The following AUTS2 variants were observed in gnomAD, a reference collection of about 807,000 sequenced individuals.
The protein encoded by AUTS2 is activator of transcription and developmental regulator AUTS2.
Under a neutral mutation model 112.4 loss-of-function variants are expected in AUTS2, and 17 were observed. That is an observed-to-expected ratio of 0.15 (90% CI 0.10 to 0.23). The LOEUF (loss-of-function observed/expected upper bound fraction) is 0.23. AUTS2 is among the 10% of genes least tolerant of loss of function. The pLI is 1.00. For missense variants in AUTS2, 1,510 were observed against 1,701.6 expected, an observed-to-expected ratio of 0.89 and a Z score of 1.98; for synonymous variants, 751 against 702.7, an observed-to-expected ratio of 1.07 and a Z score of -1.09.
chr7:69,640,967 AG>A (rs1367557918), intron 1 of AUTS2, among the ~76,000 whole-genome samples: 5 of 152,304 alleles, frequency 3.3e-5, no homozygotes, highest in Non-Finnish European at 4.4e-5. Flanking sequence ...TACAGATACA[AG>A]GTTGGGTGGT....
At chr7:70,251,549 G>C (rs1416862989) in intron 4 of AUTS2, among the ~76,000 whole-genome samples, 6 of 152,024 alleles carry the variant, frequency 3.9e-5, no homozygotes, top group Non-Finnish European at 8.8e-5. Context: ...TTCTTTTCAA[G>C]TATTGCCAAC....
chr7:70,191,361 C>T (rs947816368), intron 4 of AUTS2, among the ~76,000 whole-genome samples: 7 of 151,652 alleles, frequency 4.6e-5, no homozygotes, highest in Admixed American at 2.0e-4. Context: ...TTAGTAGAGA[C>T]GGGGTTTAAC....
intron 2 of AUTS2, among the ~76,000 whole-genome samples, chr7:69,956,022 AG>A (rs1237461301): frequency 6.6e-6 from 1 of 152,096 alleles, no homozygotes; most frequent in Admixed American, 6.5e-5. Flanking sequence ...AAGAAAGCAG[AG>A]GTTTGGGGAT....
chr7:69,684,459 A>G (rs1170857807), intron 1 of AUTS2, among the ~76,000 whole-genome samples: 2 of 152,052 alleles, frequency 1.3e-5, no homozygotes. Context: ...ATGTTTTTTG[A>G]TGAATGATTA....
intron 2 of AUTS2, among the ~76,000 whole-genome samples, chr7:70,071,815 T>C (rs1475105073): frequency 6.6e-6 from 1 of 152,228 alleles, no homozygotes; most frequent in Non-Finnish European, 1.5e-5. Context: ...AAAAGAAATA[T>C]TGTGGCTGGG....
intron 5 of AUTS2, among the ~76,000 whole-genome samples, chr7:70,505,461 G>A (rs1366913242): frequency 1.3e-5 from 2 of 152,210 alleles, no homozygotes; most frequent in Non-Finnish European, 2.9e-5. Context: ...AGGACTTGAT[G>A]TATTGCTCCC....
chr7:70,454,580 T>C (rs1796659785), intron 5 of AUTS2, among the ~76,000 whole-genome samples: 1 of 152,034 alleles, frequency 6.6e-6, no homozygotes, highest in Admixed American at 6.6e-5. Flanking sequence ...ATAAAATACC[T>C]AGAATGATGT....
At chr7:69,831,991 C>T (rs1791520642) in intron 1 of AUTS2, among the ~76,000 whole-genome samples, 1 of 152,168 alleles carries the variant, frequency 6.6e-6, no homozygotes, top group Non-Finnish European at 1.5e-5. Context: ...CTTGGCAGCC[C>T]TAAGCAGCAT....
intron 1 of AUTS2, among the ~76,000 whole-genome samples, chr7:69,892,622 A>G (rs1211037829): frequency 1.3e-5 from 2 of 152,146 alleles, no homozygotes; most frequent in Non-Finnish European, 2.9e-5. Context: ...TTAATTCTTG[A>G]AGTGTAATTT....
chr7:70,377,326 AT>A (rs1793138876), intron 4 of AUTS2, among the ~76,000 whole-genome samples: 2 of 2,994 alleles, frequency 6.7e-4, no homozygotes, highest in Middle Eastern at 0.05. Flanking sequence ...ACAAATATAA[AT>A]ATATATATAT....
chr7:70,036,981 CTCAGT>C (rs1277086413), intron 2 of AUTS2, among the ~76,000 whole-genome samples: 3 of 152,214 alleles, frequency 2.0e-5, no homozygotes, highest in African/African-American at 7.2e-5. Flanking sequence ...TCATTTTGAA[CTCAGT>C]CCTGGTAAAT....
intron 4 of AUTS2, among the ~76,000 whole-genome samples, chr7:70,315,501 C>G (rs973024141): frequency 2.6e-5 from 4 of 152,190 alleles, no homozygotes; most frequent in African/African-American, 9.7e-5. Context: ...CCTGGCCTGT[C>G]TTTCCCCTCT....
chr7:69,685,312 A>G (rs1797012248), intron 1 of AUTS2, among the ~76,000 whole-genome samples: 1 of 152,206 alleles, frequency 6.6e-6, no homozygotes, highest in Non-Finnish European at 1.5e-5. Flanking sequence ...TCCAAGGCTC[A>G]GTTCTAGACG....
intron 5 of AUTS2, among the ~76,000 whole-genome samples, chr7:70,517,949 A>G (rs1799486590): frequency 6.6e-6 from 1 of 152,236 alleles, no homozygotes; most frequent in Non-Finnish European, 1.5e-5. Flanking sequence ...ATGGGCTGGC[A>G]AGAAATGAGT....
At chr7:70,670,573 G>A (rs1468997415) in intron 5 of AUTS2, among the ~76,000 whole-genome samples, 1 of 152,156 alleles carries the variant, frequency 6.6e-6, no homozygotes. Flanking sequence ...GCTAGAAGTG[G>A]CCTAGAAAAG....
chr7:70,058,256 G>T (rs1802080552), intron 2 of AUTS2, among the ~76,000 whole-genome samples: 1 of 152,184 alleles, frequency 6.6e-6, no homozygotes, highest in Admixed American at 6.5e-5. Flanking sequence ...TATCAGTGGA[G>T]CCAGCTGTGT....
intron 9 of AUTS2, 121 bp from the exon 10 acceptor site, chr7:70,767,903 A>G: frequency 1.1e-6 from 1 of 877,062 alleles, no homozygotes; most frequent in South Asian, 1.6e-5. Flanking sequence ...TTTCATATGT[A>G]ATGAGGTTAT....
intron 4 of AUTS2, among the ~76,000 whole-genome samples, chr7:70,280,177 C>T (rs1377020934): frequency 1.3e-5 from 2 of 152,178 alleles, no homozygotes; most frequent in African/African-American, 4.8e-5. Context: ...GCTCTCTCAT[C>T]TTGTCCCTCA....
Position 70,134,559 on chromosome 7 carries a change from A to G in AUTS2, c.648A>G (p.Gly216=). Residue 216 remains glycine, a synonymous_variant, in exon 4 of 19, where the codon GGA becomes GGG. Transcript: ENST00000342771. ...LSDSSAPSSL[G]TGYFCDSDSD... ...AGAGTTCAGCTCCTTCCAGCTTGGG[A>G]ACAGGCTACTTCGTAAGTCTATCTC... 6.2e-7 allele frequency: 1 copy of G among 1,613,842 alleles called. No individual in the cohort carries two copies. The highest frequency in any genetic ancestry group is 8.5e-7 in the Non-Finnish European group (1 of 1,179,788).
Sources: allele counts gnomAD v4.1 joint callset (sites outside exome capture counted in the v4.1 genomes callset), GRCh38; gene constraint gnomAD v4.1.1; transcripts MANE v1.5; gene names NCBI Gene and HGNC (gene_info 2026-07-23, HGNC 2026-07-21).